Variants in RNGTT observed in about 807,000 individuals in gnomAD.
The protein encoded by RNGTT is mRNA-capping enzyme.
In RNGTT, 33 loss-of-function variants were observed where a neutral mutation model predicts 79.3. The observed-to-expected ratio is 0.42, with a 90% confidence interval of 0.32 to 0.56. The LOEUF (loss-of-function observed/expected upper bound fraction) is 0.56, where lower values mean the gene tolerates loss of function less well. Ranked by LOEUF, RNGTT falls within the 20% of genes least tolerant of loss-of-function variation. The pLI is 0.17. For missense variants in RNGTT, 497 were observed against 739.1 expected, an observed-to-expected ratio of 0.67 and a Z score of 3.80; for synonymous variants, 222 against 235.9, an observed-to-expected ratio of 0.94 and a Z score of 0.54.
At position 88,643,056 on chromosome 6, in the gene RNGTT, A is replaced by G. The variant is rs184102631; in HGVS notation, c.1507-28661T>C. ...CCCACTGTAAGTTGAAAATATCATTAAGTCAAAAATGCATTTAATACACCT... is the reference window on the plus strand; with the variant it reads ...CCCACTGTAAGTTGAAAATATCATTGAGTCAAAAATGCATTTAATACACCT... On this transcript the variant is annotated intron_variant, in intron 14 of 15. Coordinates refer to ENST00000369485, the MANE Select transcript of RNGTT (RefSeq NM_003800.5). Among the ~76,000 whole-genome samples the G allele has an allele frequency of 1.9e-3, 289 of 150,266 alleles. 4 individuals are homozygous for G. Among genetic ancestry groups the G allele is most frequent in the African/African-American group, 7.1e-3 (283 of 39,704 alleles).
intron 1 of RNGTT, among the ~76,000 whole-genome samples, chr6:88,948,342 C>T (rs1173193055): frequency 4.1e-3 from 322 of 79,130 alleles, no homozygotes; most frequent in African/African-American, 0.01. Context: ...CCAGCCGCCC[C>T]GTCCGGGAGG....
intron 2 of RNGTT, among the ~76,000 whole-genome samples, chr6:88,937,307 T>C (rs564144908): frequency 6.6e-6 from 1 of 151,910 alleles, no homozygotes; most frequent in Non-Finnish European, 1.5e-5. Context: ...ATCCCACCAT[T>C]GCACTCCAGC....
At chr6:88,680,340 T>C (rs1204725200) in intron 13 of RNGTT, among the ~76,000 whole-genome samples, 2 of 152,174 alleles carry the variant, frequency 1.3e-5, no homozygotes, top group East Asian at 3.9e-4. Context: ...TTACCCTTCA[T>C]TGACATGGTC....
intron 12 of RNGTT, among the ~76,000 whole-genome samples, chr6:88,788,991 T>G (rs1292632896): frequency 6.6e-6 from 1 of 152,232 alleles, no homozygotes; most frequent in Non-Finnish European, 1.5e-5. Context: ...TCTCTGAAAG[T>G]AGAATATTAA....
At chr6:88,893,903 C>T (rs1481345986) in intron 6 of RNGTT, among the ~76,000 whole-genome samples, 2 of 152,088 alleles carry the variant, frequency 1.3e-5, no homozygotes, top group Non-Finnish European at 2.9e-5. Context: ...TACAATAGTT[C>T]TGACAAAATA....
chr6:88,906,218 G>C, intron 5 of RNGTT, 147 bp downstream of exon 5: 2 of 613,722 alleles, frequency 3.3e-6, no homozygotes, highest in Admixed American at 3.2e-5. Flanking sequence ...GTAGTATAAA[G>C]ATTAACCATA....
intron 6 of RNGTT, among the ~76,000 whole-genome samples, chr6:88,899,389 C>T (rs1783369224): frequency 6.6e-6 from 1 of 151,942 alleles, no homozygotes; most frequent in Admixed American, 6.6e-5. Flanking sequence ...CAATCCACCC[C>T]ACCTCAGCCT....
chr6:88,686,084 A>G (rs1185210139), intron 13 of RNGTT, among the ~76,000 whole-genome samples: 1 of 150,634 alleles, frequency 6.6e-6, no homozygotes, highest in Non-Finnish European at 1.5e-5. Flanking sequence ...TTATAATAAG[A>G]TTCCTGGATA....
At chr6:88,740,958 T>C (rs1777467688) in intron 13 of RNGTT, among the ~76,000 whole-genome samples, 1 of 152,178 alleles carries the variant, frequency 6.6e-6, no homozygotes, top group African/African-American at 2.4e-5. Flanking sequence ...AGATGCTGGT[T>C]AGGCTGCAGA....
chr6:88,929,996 A>G (rs562043086), intron 2 of RNGTT, among the ~76,000 whole-genome samples: 155 of 149,474 alleles, frequency 1.0e-3, no homozygotes, highest in African/African-American at 3.7e-3. Flanking sequence ...ATACATGTAT[A>G]CATATATACA....
At chr6:88,720,788 T>G (rs186196692) in intron 13 of RNGTT, among the ~76,000 whole-genome samples, 2 of 152,238 alleles carry the variant, frequency 1.3e-5, no homozygotes, top group African/African-American at 4.8e-5. Flanking sequence ...TAAATCTGAG[T>G]ATATGATGAG....
At chr6:88,861,587 A>T (rs2017216457) in intron 8 of RNGTT, among the ~76,000 whole-genome samples, 1 of 152,196 alleles carries the variant, frequency 6.6e-6, no homozygotes, top group African/African-American at 2.4e-5. Flanking sequence ...TTTAAAAAGA[A>T]AAAACGTATT....
intron 6 of RNGTT, among the ~76,000 whole-genome samples, chr6:88,904,355 T>C (rs1250346775): frequency 6.6e-6 from 1 of 152,164 alleles, no homozygotes; most frequent in African/African-American, 2.4e-5. Flanking sequence ...GGAGGATCAC[T>C]TTGAGCTCAG....
At chr6:88,724,495 G>A (rs1043942773) in intron 13 of RNGTT, among the ~76,000 whole-genome samples, 2 of 152,108 alleles carry the variant, frequency 1.3e-5, no homozygotes, top group Non-Finnish European at 2.9e-5. Flanking sequence ...TACCATCTAG[G>A]ACAGTGATCC....
At chr6:88,726,596 G>C (rs982235060) in intron 13 of RNGTT, among the ~76,000 whole-genome samples, 18 of 152,232 alleles carry the variant, frequency 1.2e-4, no homozygotes, top group Non-Finnish European at 2.4e-4. Flanking sequence ...CAGGAGGATA[G>C]ATGGTTCCTC....
chr6:88,706,438 T>G (rs536149544), intron 13 of RNGTT, among the ~76,000 whole-genome samples: 1 of 152,014 alleles, frequency 6.6e-6, no homozygotes, highest in South Asian at 2.1e-4. Flanking sequence ...TTTATATAAA[T>G]AACTTAGGGA....
rs116758110 is a variant in RNGTT, at chr6:88,677,603, A to G, written c.1506+750T>C. On this transcript the variant is annotated intron_variant, in intron 14 of 15. Coordinates refer to ENST00000369485, the MANE Select transcript of RNGTT (RefSeq NM_003800.5). ...TGCCTCAGCCTTCCAAAAACCTGGG[A>G]CAACTGCCATGGCCAGCGAAATTTT... 4.5e-3 allele frequency among the ~76,000 whole-genome samples: 684 copies of G among 152,054 alleles called. 2 individuals carry two copies. Among genetic ancestry groups the G allele is most frequent in the African/African-American group, 0.016 (647 of 41,478 alleles).
In RNGTT at chr6:88,619,313, G is replaced by A. The variant is rs1341095286; in HGVS notation, c.1507-4918C>T. 3.3e-5 allele frequency among the ~76,000 whole-genome samples: 5 copies of A among 152,108 alleles called. No individual in the cohort carries two copies. The East Asian group carries it at 9.7e-4, about 29-fold the overall frequency. ...CCCAAGCAGTTGAGACCACAGTTGT[G>A]CACTACCACACCTGGCTAATATTGC... is the stretch of plus-strand genomic sequence containing the variant. On this transcript the variant is annotated intron_variant, in intron 14 of 15. Coordinates refer to ENST00000369485, the MANE Select transcript of RNGTT (RefSeq NM_003800.5).
At chr6:88,871,373 A>G (rs1289488350) in intron 8 of RNGTT, among the ~76,000 whole-genome samples, 1 of 151,852 alleles carries the variant, frequency 6.6e-6, no homozygotes. Flanking sequence ...TTTTAAGTAT[A>G]AAGCTATATG....
Sources: allele counts gnomAD v4.1 joint callset (sites outside exome capture counted in the v4.1 genomes callset), GRCh38; gene constraint gnomAD v4.1.1; transcripts MANE v1.5; gene names NCBI Gene and HGNC (gene_info 2026-07-23, HGNC 2026-07-21).